Variants in JARID2 observed in about 807,000 individuals in gnomAD.
The protein encoded by JARID2 is protein Jumonji.
JARID2 carries 21 observed loss-of-function variants against 125.6 expected under a neutral mutation model. The observed-to-expected ratio is 0.17, with a 90% CI of 0.12 to 0.24. The LOEUF is 0.24. Among genes scored for constraint, JARID2 ranks in the 10% least tolerant of loss-of-function variants. JARID2 has a pLI of 1.00. For synonymous variants in JARID2, 736 were observed against 661.6 expected, an observed-to-expected ratio of 1.11 and a Z score of -1.73; for missense variants, 1,303 against 1,639.6, an observed-to-expected ratio of 0.79 and a Z score of 3.55.
At chr6:15,511,849 C>T (rs906132970) in intron 13 of JARID2, among the ~76,000 whole-genome samples, 13 of 152,096 alleles carry the variant, frequency 8.5e-5, no homozygotes, top group Admixed American at 3.3e-4. Context: ...AAGAGATGGA[C>T]GGGGGACTCC....
intron 1 of JARID2, among the ~76,000 whole-genome samples, chr6:15,258,870 A>C (rs1474308240): frequency 6.6e-6 from 1 of 152,222 alleles, no homozygotes; most frequent in African/African-American, 2.4e-5. Flanking sequence ...GTAATTCTCC[A>C]AGTGCAAGAT....
chr6:15,284,532 C>T (rs1284217526), intron 1 of JARID2, among the ~76,000 whole-genome samples: 3 of 142,078 alleles, frequency 2.1e-5, no homozygotes, highest in East Asian at 4.1e-4. Flanking sequence ...TTTTTTGAGA[C>T]GAAGTCTTGC....
chr6:15,379,049 T>A (rs1250168554), intron 2 of JARID2, among the ~76,000 whole-genome samples: 2 of 152,186 alleles, frequency 1.3e-5, no homozygotes, highest in African/African-American at 4.8e-5. Context: ...GTTCTGTAGG[T>A]CTGTGAGTAG....
intron 1 of JARID2, among the ~76,000 whole-genome samples, chr6:15,371,447 C>CT: frequency 6.6e-6 from 1 of 152,324 alleles, no homozygotes; most frequent in Non-Finnish European, 1.5e-5. Flanking sequence ...AGAATTCTGT[C>CT]TGACAGCCTT....
intron 3 of JARID2, among the ~76,000 whole-genome samples, chr6:15,433,519 A>G (rs891101981): frequency 7.3e-5 from 11 of 151,582 alleles, no homozygotes; most frequent in African/African-American, 2.4e-4. Flanking sequence ...TCCAAGTGAA[A>G]GTCTTTTCCT....
intron 1 of JARID2, among the ~76,000 whole-genome samples, chr6:15,257,375 C>A (rs533114813): frequency 6.6e-6 from 1 of 152,070 alleles, no homozygotes; most frequent in Non-Finnish European, 1.5e-5. Context: ...CTTGCACATA[C>A]AGTTTTATAT....
chr6:15,251,439 C>T (rs556503955), intron 1 of JARID2, among the ~76,000 whole-genome samples: 1 of 152,218 alleles, frequency 6.6e-6, no homozygotes, highest in Non-Finnish European at 1.5e-5. Flanking sequence ...GTCCACGTCT[C>T]CCCCAGGATT....
At chr6:15,288,953 C>T (rs1437656426) in intron 1 of JARID2, among the ~76,000 whole-genome samples, 1 of 152,122 alleles carries the variant, frequency 6.6e-6, no homozygotes, top group Non-Finnish European at 1.5e-5. Flanking sequence ...CGTTAGTGAG[C>T]AGTGGATAGT....
intron 1 of JARID2, among the ~76,000 whole-genome samples, chr6:15,320,153 T>C (rs1762304698): frequency 6.6e-6 from 1 of 152,254 alleles, no homozygotes; most frequent in Non-Finnish European, 1.5e-5. Context: ...TGGATCAGTA[T>C]CCAACAAAAA....
chr6:15,506,433 A>G (rs370164875), intron 9 of JARID2, among the ~76,000 whole-genome samples: 2 of 152,194 alleles, frequency 1.3e-5, no homozygotes, highest in East Asian at 1.9e-4. Context: ...TGGTGTTGCT[A>G]GTAGCGCTTT....
intron 2 of JARID2, among the ~76,000 whole-genome samples, chr6:15,385,545 TA>T (rs1764752949): frequency 6.6e-6 from 1 of 151,100 alleles, no homozygotes; most frequent in South Asian, 2.1e-4. Context: ...AGATATTTAT[TA>T]TTTATATAGA....
chr6:15,280,555 A>G (rs1760710589), intron 1 of JARID2, among the ~76,000 whole-genome samples: 1 of 151,912 alleles, frequency 6.6e-6, no homozygotes, highest in Non-Finnish European at 1.5e-5. Flanking sequence ...ATGTTGAGGC[A>G]GTTAATTCAG....
intron 3 of JARID2, among the ~76,000 whole-genome samples, chr6:15,433,122 C>T (rs1161666711): frequency 2.0e-5 from 3 of 152,096 alleles, no homozygotes; most frequent in Admixed American, 1.3e-4. Context: ...ATTTAAAGCA[C>T]GTATTATATT....
At chr6:15,281,999 G>T (rs1403113423) in intron 1 of JARID2, among the ~76,000 whole-genome samples, 1 of 151,766 alleles carries the variant, frequency 6.6e-6, no homozygotes, top group Non-Finnish European at 1.5e-5. Flanking sequence ...GCCAAGGCTG[G>T]AGTGCAGTGG....
At chr6:15,515,388 C>T (rs1463906845) in intron 16 of JARID2, among the ~76,000 whole-genome samples, 1 of 152,176 alleles carries the variant, frequency 6.6e-6, no homozygotes, top group Non-Finnish European at 1.5e-5. Flanking sequence ...GGGGGTGAAG[C>T]TGGTCTGTCC....
At chr6:15,519,609 C>T (rs1771733453) in intron 17 of JARID2, among the ~76,000 whole-genome samples, 1 of 152,188 alleles carries the variant, frequency 6.6e-6, no homozygotes, top group Non-Finnish European at 1.5e-5. Flanking sequence ...ATAAATGATT[C>T]TCTTGAGTGA....
intron 1 of JARID2, among the ~76,000 whole-genome samples, chr6:15,255,560 T>C (rs930168959): frequency 1.3e-5 from 2 of 152,130 alleles, no homozygotes; most frequent in Non-Finnish European, 2.9e-5. Flanking sequence ...TCTCTTAAAA[T>C]CTTGGTGGTT....
At chr6:15,278,106 GC>G (rs1389825070) in intron 1 of JARID2, among the ~76,000 whole-genome samples, 1 of 152,044 alleles carries the variant, frequency 6.6e-6, no homozygotes, top group Non-Finnish European at 1.5e-5. Context: ...AAATTAGCAT[GC>G]CTGTAATCCC....
At chr6:15,247,543 T>TC in intron 1 of JARID2, 1 of 969,072 alleles carries the variant, frequency 1.0e-6, no homozygotes, top group Non-Finnish European at 1.2e-6. Context: ...CTTTTTTTTT[T>TC]TCAAAAAAGG....
Sources: allele counts gnomAD v4.1 joint callset (sites outside exome capture counted in the v4.1 genomes callset), GRCh38; gene constraint gnomAD v4.1.1; transcripts MANE v1.5; gene names NCBI Gene and HGNC (gene_info 2026-07-23, HGNC 2026-07-21).